The following IMMP2L variants were observed in gnomAD, a reference collection of about 807,000 sequenced individuals.
IMMP2L encodes the protein mitochondrial inner membrane protease subunit 2.
A neutral mutation model predicts 19.3 loss-of-function variants in IMMP2L; 18 were observed. The ratio of observed to expected loss-of-function variants is 0.93; its 90% CI spans 0.64 to 1.38. The LOEUF is 1.38. Among genes scored for constraint, IMMP2L ranks in the 40% most tolerant of loss-of-function variants. IMMP2L has a pLI of 0.00. For synonymous variants in IMMP2L, 76 were observed against 73.0 expected, an observed-to-expected ratio of 1.04 and a Z score of -0.21; for missense variants, 233 against 218.2, an observed-to-expected ratio of 1.07 and a Z score of -0.43.
At chr7:111,485,574 C>A (rs6953871) in intron 3 of IMMP2L, among the ~76,000 whole-genome samples, 14 of 112,244 alleles carry the variant, frequency 1.2e-4, no homozygotes, top group Non-Finnish European at 3.3e-5. Context: ...CTCCAGCCTG[C>A]GCAACAGAGC....
chr7:110,837,891 T>C (rs1028921712), intron 5 of IMMP2L, among the ~76,000 whole-genome samples: 1 of 152,118 alleles, frequency 6.6e-6, no homozygotes, highest in Non-Finnish European at 1.5e-5. Flanking sequence ...AGCCTTTAAT[T>C]TCTACCTGTA....
At chr7:110,969,238 T>C (rs931701898) in intron 3 of IMMP2L, among the ~76,000 whole-genome samples, 1 of 152,138 alleles carries the variant, frequency 6.6e-6, no homozygotes, top group Non-Finnish European at 1.5e-5. Flanking sequence ...ACATACTGCC[T>C]CATTTTTAAT....
chr7:110,961,294 G>T (rs1818908153), intron 4 of IMMP2L, among the ~76,000 whole-genome samples: 2 of 151,768 alleles, frequency 1.3e-5, no homozygotes, highest in South Asian at 4.1e-4. Context: ...AAATGATGTA[G>T]TATTTGCATA....
chr7:111,322,788 G>C (rs537477736), intron 3 of IMMP2L, among the ~76,000 whole-genome samples: 15 of 151,706 alleles, frequency 9.9e-5, no homozygotes, highest in African/African-American at 3.6e-4. Flanking sequence ...TATGGGTCAT[G>C]GTAAAAGCAC....
intron 3 of IMMP2L, among the ~76,000 whole-genome samples, chr7:111,100,163 CAGAT>C (rs1707566214): frequency 6.6e-6 from 1 of 151,496 alleles, no homozygotes. Flanking sequence ...TTTTGGGAAA[CAGAT>C]GGTGTCTGGT....
chr7:111,124,170 T>C, intron 3 of IMMP2L: 1 of 1,613,930 alleles, frequency 6.2e-7, no homozygotes, highest in Non-Finnish European at 8.5e-7. Flanking sequence ...AACTCTTGCC[T>C]AATACCCTGA....
intron 3 of IMMP2L, among the ~76,000 whole-genome samples, chr7:111,089,009 T>G (rs1475602676): frequency 6.6e-6 from 1 of 152,146 alleles, no homozygotes; most frequent in Non-Finnish European, 1.5e-5. Flanking sequence ...AAAATGAGTA[T>G]AAAATATTTT....
chr7:111,267,268 AC>A (rs1416608632), intron 3 of IMMP2L, among the ~76,000 whole-genome samples: 4 of 152,200 alleles, frequency 2.6e-5, no homozygotes, highest in African/African-American at 7.2e-5. Context: ...CATTAAAAAA[AC>A]ATAGTGATTT....
rs536130991 is a variant in IMMP2L, at chr7:110,904,489, C to A, written c.306-17794G>T. Among the ~76,000 whole-genome samples, 66 of 152,278 alleles carry A rather than the reference C, an allele frequency of 4.3e-4. No individual in the cohort carries two copies. The South Asian group carries it at 4.8e-3, about 11-fold the overall frequency. On this transcript the variant is annotated intron_variant, in intron 4 of 5. Coordinates refer to ENST00000405709, the MANE Select transcript of IMMP2L (RefSeq NM_032549.4). ...ATGTGGATATCCAGTTTTCCCAACA[C>A]CATTTGTTGAAGAGAATACCTTTCC...
intron 5 of IMMP2L, among the ~76,000 whole-genome samples, chr7:110,741,384 T>A (rs939999406): frequency 1.3e-5 from 2 of 152,246 alleles, no homozygotes; most frequent in Non-Finnish European, 2.9e-5. Context: ...TCCAGTGTGA[T>A]TGTAGCAAGA....
intron 4 of IMMP2L, among the ~76,000 whole-genome samples, chr7:110,912,196 T>C (rs1182938147): frequency 6.6e-6 from 1 of 152,036 alleles, no homozygotes; most frequent in African/African-American, 2.4e-5. Context: ...CCCATTGCCC[T>C]TTTTTTAGTA....
At chr7:111,050,501 C>G (rs1173138601) in intron 3 of IMMP2L, among the ~76,000 whole-genome samples, 1 of 152,164 alleles carries the variant, frequency 6.6e-6, no homozygotes, top group Non-Finnish European at 1.5e-5. Context: ...TCTATTGACG[C>G]GTTCTTTCTT....
chr7:111,314,207 A>T (rs1584578422), intron 3 of IMMP2L, among the ~76,000 whole-genome samples: 1 of 152,226 alleles, frequency 6.6e-6, no homozygotes, highest in Admixed American at 6.6e-5. Flanking sequence ...GGCTTCAGGG[A>T]AGTGACTTGG....
intron 3 of IMMP2L, among the ~76,000 whole-genome samples, chr7:111,218,055 C>G (rs1318903437): frequency 1.3e-5 from 2 of 151,922 alleles, no homozygotes; most frequent in Non-Finnish European, 2.9e-5. Flanking sequence ...TCAAAGGATT[C>G]TATGATGGAC....
chr7:111,318,217 G>GATTT, intron 3 of IMMP2L, among the ~76,000 whole-genome samples: 1 of 152,296 alleles, frequency 6.6e-6, no homozygotes, highest in Middle Eastern at 3.4e-3. Flanking sequence ...AAATATCAGT[G>GATTT]TAAATGAAAG....
chr7:111,004,580 GATC>G (rs1563151727), intron 3 of IMMP2L, among the ~76,000 whole-genome samples: 1 of 75,494 alleles, frequency 1.3e-5, no homozygotes, highest in East Asian at 2.2e-4. Context: ...TTGCAAAATA[GATC>G]TTCTGATGAG....
At chr7:110,685,610 TG>T (rs1793056995) in intron 5 of IMMP2L, among the ~76,000 whole-genome samples, 1 of 152,142 alleles carries the variant, frequency 6.6e-6, no homozygotes, top group African/African-American at 2.4e-5. Flanking sequence ...TAGTTTATGA[TG>T]GTTTATTGTA....
chr7:110,767,794 G>T (rs550403317), intron 5 of IMMP2L, among the ~76,000 whole-genome samples: 2 of 152,244 alleles, frequency 1.3e-5, no homozygotes, highest in East Asian at 3.9e-4. Context: ...ACAGCCAGGA[G>T]GGTTTTTCTA....
intron 3 of IMMP2L, among the ~76,000 whole-genome samples, chr7:111,237,660 C>T (rs958750373): frequency 2.6e-5 from 4 of 151,620 alleles, no homozygotes; most frequent in Non-Finnish European, 2.9e-5. Context: ...ATAGAAATTA[C>T]ACCTTATAAA....
Sources: allele counts gnomAD v4.1 joint callset (sites outside exome capture counted in the v4.1 genomes callset), GRCh38; gene constraint gnomAD v4.1.1; transcripts MANE v1.5; gene names NCBI Gene and HGNC (gene_info 2026-07-23, HGNC 2026-07-21).